The following BAZ2B variants were observed in gnomAD, a reference collection of about 807,000 sequenced individuals.
BAZ2B encodes the protein bromodomain adjacent to zinc finger domain protein 2B.
BAZ2B carries 91 observed loss-of-function variants against 246.0 expected under a neutral mutation model. The ratio of observed to expected loss-of-function variants is 0.37; its 90% confidence interval spans 0.31 to 0.44. BAZ2B has a LOEUF of 0.44. Among genes scored for constraint, BAZ2B ranks in the 20% least tolerant of loss-of-function variants. The probability of loss-of-function intolerance (pLI) is 1.00; values close to 1 mark genes in which losing one functional copy is unlikely to be tolerated. For missense variants in BAZ2B, 2,332 were observed against 2,533.7 expected (o/e 0.92, Z 1.71); for synonymous variants, 855 against 860.0 (o/e 0.99, Z 0.10).
intron 2 of BAZ2B, among the ~76,000 whole-genome samples, chr2:159,488,004 A>G (rs1250802924): frequency 6.6e-6 from 1 of 152,138 alleles, no homozygotes; most frequent in Non-Finnish European, 1.5e-5. Flanking sequence ...AATTAATCAC[A>G]AAACGATCAG....
intron 27 of BAZ2B, among the ~76,000 whole-genome samples, chr2:159,361,245 A>T (rs547927260): frequency 6.6e-6 from 1 of 152,344 alleles, no homozygotes; most frequent in Non-Finnish European, 1.5e-5. Context: ...GAACTTAAAC[A>T]AATTTACAAG....
At chr2:159,343,349 T>C (rs762783474) in intron 31 of BAZ2B, among the ~76,000 whole-genome samples, 10 of 152,118 alleles carry the variant, frequency 6.6e-5, no homozygotes, top group Non-Finnish European at 1.2e-4. Context: ...AAATATTTTA[T>C]ATATAAAACT....
At chr2:159,495,917 A>G (rs2081063813) in intron 2 of BAZ2B, among the ~76,000 whole-genome samples, 2 of 150,888 alleles carry the variant, frequency 1.3e-5, no homozygotes, top group African/African-American at 2.4e-5. Context: ...ACAGGCATGC[A>G]TCATCCCGCC....
At position 159,431,056 on chromosome 2, in the gene BAZ2B, T is replaced by C. The variant is rs767685280; in HGVS notation, c.2001A>G (p.Lys667=). The C allele has an allele frequency of 3.1e-6, 5 of 1,613,938 alleles. No individual in the cohort carries two copies. The highest frequency in any genetic ancestry group is 3.4e-6 in the Non-Finnish European group (4 of 1,179,922). The change falls in exon 10 of 37, where the codon AAA becomes AAG. Residue 667 remains lysine, a synonymous_variant. Coordinates refer to ENST00000392783, the MANE Select transcript of BAZ2B (RefSeq NM_013450.4). Reference sequence around the variant, plus strand: ...TTGTTTTATTCAGTTTCATTGAAGTTTTCTCTCCTTCAGTATCACTATCTG... The same window carrying C: ...TTGTTTTATTCAGTTTCATTGAAGTCTTCTCTCCTTCAGTATCACTATCTG... ...DESDSDTEGE[K]TSMKLNKTTS...
At chr2:159,676,179 C>CA in the BAZ2B span, among the ~76,000 whole-genome samples, 1 of 144,116 alleles carries the variant, frequency 6.9e-6, no homozygotes, top group Non-Finnish European at 1.5e-5. Context: ...AGGCATGAGC[C>CA]ACCACGCCTG....
chr2:159,503,626 C>T (rs1231937437), intron 2 of BAZ2B, among the ~76,000 whole-genome samples: 1 of 152,084 alleles, frequency 6.6e-6, no homozygotes, highest in Non-Finnish European at 1.5e-5. Context: ...GTTGCCCTGG[C>T]TGGAGTGCAA....
chr2:159,667,979 A>C, the BAZ2B span, among the ~76,000 whole-genome samples: 4 of 152,152 alleles, frequency 2.6e-5, no homozygotes, highest in East Asian at 5.8e-4. Context: ...ATTTCATTAG[A>C]AGCAACATGT....
At chr2:159,474,332 G>C (rs999322852) in intron 3 of BAZ2B, among the ~76,000 whole-genome samples, 1 of 152,000 alleles carries the variant, frequency 6.6e-6, no homozygotes, top group Non-Finnish European at 1.5e-5. Context: ...TGTCTCCTTT[G>C]ATCTTTGTTG....
chr2:159,626,993 C>A, the BAZ2B span, among the ~76,000 whole-genome samples: 4 of 152,172 alleles, frequency 2.6e-5, no homozygotes, highest in African/African-American at 7.2e-5. Context: ...GATGTCACCA[C>A]TGATACCATA....
chr2:159,652,810 G>A, the BAZ2B span, among the ~76,000 whole-genome samples: 1 of 151,612 alleles, frequency 6.6e-6, no homozygotes, highest in African/African-American at 2.4e-5. Context: ...TAGAGATGGG[G>A]TCTCACTCTG....
chr2:159,484,185 T>C lies in BAZ2B; in HGVS notation c.-2-5464A>G, dbSNP rs553644073. On this transcript the variant is annotated intron_variant, in intron 2 of 36. Transcript: ENST00000392783. ...AATTATCCAAACTAAGTTGTTAGTG[T>C]TGCTATGGATGAAAAACTCTGATCT... 2.6e-5 allele frequency among the ~76,000 whole-genome samples: 4 copies of C among 152,330 alleles called. No individual in the cohort carries two copies. In the East Asian group the frequency reaches 7.7e-4, roughly 29 times the overall value.
At chr2:159,425,465 G>A (rs1363824855) in intron 13 of BAZ2B, among the ~76,000 whole-genome samples, 2 of 152,204 alleles carry the variant, frequency 1.3e-5, no homozygotes, top group African/African-American at 2.4e-5. Flanking sequence ...ACAGGCGTGA[G>A]CCACAATGCC....
At chr2:159,646,532 A>T in the BAZ2B span, among the ~76,000 whole-genome samples, 1 of 152,350 alleles carries the variant, frequency 6.6e-6, no homozygotes, top group East Asian at 1.9e-4. Flanking sequence ...TAATTGGGGA[A>T]GTGATAAGTA....
intron 20 of BAZ2B, among the ~76,000 whole-genome samples, chr2:159,393,197 C>T (rs2063557472): frequency 6.6e-6 from 1 of 151,948 alleles, no homozygotes; most frequent in Non-Finnish European, 1.5e-5. Flanking sequence ...GGGAAAATGC[C>T]ATGGTGAGGA....
chr2:159,359,434 TAAC>T (rs2059452047), intron 27 of BAZ2B, among the ~76,000 whole-genome samples: 2 of 152,078 alleles, frequency 1.3e-5, no homozygotes, highest in South Asian at 4.1e-4. Context: ...AATAGACCAA[TAAC>T]AAGTTCTGAA....
the BAZ2B span, chr2:159,693,821 A>T: frequency 6.6e-6 from 1 of 151,960 alleles, no homozygotes; most frequent in African/African-American, 2.4e-5. Context: ...CTCCTTCCTC[A>T]GCCTCTTGAG....
At chr2:159,663,704 AG>A in the BAZ2B span, among the ~76,000 whole-genome samples, 1 of 151,282 alleles carries the variant, frequency 6.6e-6, no homozygotes, top group South Asian at 2.1e-4. Context: ...TTTTTGGTAG[AG>A]ACGGGGTTTC....
chr2:159,611,945 T>C (rs777323491), intron 1 of BAZ2B, among the ~76,000 whole-genome samples: 1 of 152,008 alleles, frequency 6.6e-6, no homozygotes, highest in Non-Finnish European at 1.5e-5. Flanking sequence ...GTAGAATATA[T>C]GTAGGCACCA....
At chr2:159,660,312 T>C in the BAZ2B span, among the ~76,000 whole-genome samples, 1 of 152,240 alleles carries the variant, frequency 6.6e-6, no homozygotes, top group Non-Finnish European at 1.5e-5. Context: ...TTCTTACAGA[T>C]AAATAATATT....
Sources: allele counts gnomAD v4.1 joint callset (sites outside exome capture counted in the v4.1 genomes callset), GRCh38; gene constraint gnomAD v4.1.1; transcripts MANE v1.5; gene names NCBI Gene and HGNC (gene_info 2026-07-23, HGNC 2026-07-21).